Variants in SLC35F4 observed in about 807,000 individuals in gnomAD.
SLC35F4 encodes the protein solute carrier family 35 member F4, also known as chromosome 14 open reading frame 36.
SLC35F4 carries 24 observed loss-of-function variants against 44.2 expected under a neutral mutation model. The ratio of observed to expected loss-of-function variants is 0.54; its 90% CI spans 0.39 to 0.76. The LOEUF is 0.76. SLC35F4 is among the 30% of genes least tolerant of loss of function. The pLI, the probability that SLC35F4 is intolerant of heterozygous loss-of-function variation, is 0.00. For missense variants in SLC35F4, 562 were observed against 586.1 expected (o/e 0.96, Z 0.42); for synonymous variants, 238 against 223.6 (o/e 1.06, Z -0.57).
At chr14:57,659,717 G>A (rs748763048) in intron 1 of SLC35F4, among the ~76,000 whole-genome samples, 1 of 152,116 alleles carries the variant, frequency 6.6e-6, no homozygotes, top group Non-Finnish European at 1.5e-5. Flanking sequence ...GCTGAGGGTT[G>A]TACTTCAGCT....
intron 1 of SLC35F4, among the ~76,000 whole-genome samples, chr14:57,852,610 G>C (rs1566905436): frequency 6.6e-6 from 1 of 152,150 alleles, no homozygotes; most frequent in Non-Finnish European, 1.5e-5. Flanking sequence ...TAACTTCTAA[G>C]CACCTTTGTT....
chr14:57,888,328 C>A (rs1190507507), intron 1 of SLC35F4, among the ~76,000 whole-genome samples: 1 of 152,184 alleles, frequency 6.6e-6, no homozygotes, highest in Non-Finnish European at 1.5e-5. Flanking sequence ...CACATGTCTT[C>A]AACAGGGTAG....
chr14:57,926,440 C>G (rs1889570279), intron 1 of SLC35F4, among the ~76,000 whole-genome samples: 1 of 152,188 alleles, frequency 6.6e-6, no homozygotes, highest in Admixed American at 6.5e-5. Flanking sequence ...TTCACACAGA[C>G]TTTTCCCACT....
chr14:57,796,348 A>T, intron 1 of SLC35F4, among the ~76,000 whole-genome samples: 1 of 152,206 alleles, frequency 6.6e-6, no homozygotes, highest in East Asian at 1.9e-4. Flanking sequence ...TATATCTGAA[A>T]CATAATCAAT....
At chr14:57,722,196 G>C (rs1034960891) in intron 1 of SLC35F4, among the ~76,000 whole-genome samples, 1 of 152,168 alleles carries the variant, frequency 6.6e-6, no homozygotes, top group African/African-American at 2.4e-5. Context: ...GTCCCATTAA[G>C]TAGGGACTCT....
At chr14:57,918,885 C>A (rs1306427917) in intron 1 of SLC35F4, among the ~76,000 whole-genome samples, 2 of 152,170 alleles carry the variant, frequency 1.3e-5, no homozygotes, top group African/African-American at 4.8e-5. Flanking sequence ...ATAGTTTTCA[C>A]CCACTTAAGA....
chr14:57,924,911 T>TTTTG lies in SLC35F4; in HGVS notation n.282+56998_282+57001dup, dbSNP rs563814048. Among the ~76,000 whole-genome samples, 4 of 152,082 alleles carry TTTTG rather than the reference T, an allele frequency of 2.6e-5. No homozygotes were observed. The East Asian group carries it at 7.7e-4, about 29-fold the overall frequency. On this transcript the variant is annotated intron_variant and non_coding_transcript_variant, in intron 1 of 1. Coordinates refer to the SLC35F4 transcript ENST00000556568. ...AGTTATGTGCCACAATGCCTGTTAT[T>TTTTG]TTTGTTTGTTTGTTTTTGTTTTTTT...
chr14:57,627,296 A>T (rs1209082405), intron 1 of SLC35F4, among the ~76,000 whole-genome samples: 5 of 152,154 alleles, frequency 3.3e-5, no homozygotes, highest in African/African-American at 1.2e-4. Flanking sequence ...GTAGTCTCAA[A>T]AATGGGTTCG....
At chr14:57,622,278 G>C (rs1291089204) in intron 1 of SLC35F4, among the ~76,000 whole-genome samples, 1 of 136,530 alleles carries the variant, frequency 7.3e-6, no homozygotes, top group African/African-American at 2.9e-5. Context: ...CAGGGATCTA[G>C]AACTAGAAAT....
At chr14:57,586,873 A>G (rs1206852960) in intron 3 of SLC35F4, among the ~76,000 whole-genome samples, 1 of 151,946 alleles carries the variant, frequency 6.6e-6, no homozygotes, top group Non-Finnish European at 1.5e-5. Context: ...GGCAACCTAC[A>G]GAATGGGAAA....
chr14:57,934,210 A>G (rs1889754204), intron 1 of SLC35F4, among the ~76,000 whole-genome samples: 1 of 151,660 alleles, frequency 6.6e-6, no homozygotes, highest in Non-Finnish European at 1.5e-5. Flanking sequence ...TTGGTGATGT[A>G]GTGAAAAGAG....
intron 1 of SLC35F4, among the ~76,000 whole-genome samples, chr14:57,895,769 G>T (rs1888857814): frequency 6.6e-6 from 1 of 151,160 alleles, no homozygotes; most frequent in African/African-American, 2.5e-5. Context: ...AAATTACCCA[G>T]TCTTGGGTAG....
At chr14:57,721,882 A>G (rs1184584812) in intron 1 of SLC35F4, among the ~76,000 whole-genome samples, 2 of 152,122 alleles carry the variant, frequency 1.3e-5, no homozygotes, top group Non-Finnish European at 2.9e-5. Flanking sequence ...CTGAGGCAAC[A>G]GTGATGGCCC....
At chr14:57,936,317 C>T (rs910819999) in intron 1 of SLC35F4, among the ~76,000 whole-genome samples, 5 of 152,128 alleles carry the variant, frequency 3.3e-5, no homozygotes, top group African/African-American at 1.2e-4. Context: ...TTTTAAGGCT[C>T]ATAGGGAATA....
At position 57,735,739 on chromosome 14, in the gene SLC35F4, T is replaced by A. The variant is rs1046536113; in HGVS notation, c.103+129984A>T. On this transcript the variant is annotated intron_variant, in intron 1 of 7. Transcript: ENST00000556826. ...CACCCCCTTTTGTTTTTTTTTTTTT[T>A]AAAGACAGAGCTTCACTCTATCACT... Among the ~76,000 whole-genome samples the A allele has an allele frequency of 6.9e-4, 103 of 148,676 alleles. 1 individual carries two copies. The highest frequency in any genetic ancestry group is 2.2e-3 in the African/African-American group (88 of 39,672).
chr14:57,575,705 G>A (rs1361271957), intron 4 of SLC35F4, among the ~76,000 whole-genome samples: 1 of 152,202 alleles, frequency 6.6e-6, no homozygotes, highest in Non-Finnish European at 1.5e-5. Flanking sequence ...CCAGTTGAGT[G>A]GCATGGCCTC....
intron 1 of SLC35F4, among the ~76,000 whole-genome samples, chr14:57,760,581 G>A (rs1417218040): frequency 6.6e-6 from 1 of 152,000 alleles, no homozygotes; most frequent in Non-Finnish European, 1.5e-5. Flanking sequence ...AAATACACTT[G>A]AGCTTTTTTT....
intron 1 of SLC35F4, among the ~76,000 whole-genome samples, chr14:57,928,085 T>C (rs1889618693): frequency 6.6e-6 from 1 of 151,426 alleles, no homozygotes; most frequent in African/African-American, 2.4e-5. Flanking sequence ...GGACCCACCC[T>C]CACCCATACA....
chr14:57,903,271 G>C (rs1889044017), intron 1 of SLC35F4, among the ~76,000 whole-genome samples: 1 of 152,172 alleles, frequency 6.6e-6, no homozygotes, highest in Admixed American at 6.6e-5. Context: ...TCAACAGATG[G>C]AAAATTCTTA....
Sources: gnomAD v4.1 joint callset for allele counts (sites outside exome capture counted in the v4.1 genomes callset) on GRCh38, gnomAD v4.1.1 for gene constraint, MANE v1.5 for transcripts, NCBI Gene and HGNC (gene_info 2026-07-23, HGNC 2026-07-21) for gene names.